The following PCDHGA9 variants were observed in gnomAD, a reference collection of about 807,000 sequenced individuals.
PCDHGA9 encodes protocadherin gamma-A9.
A neutral mutation model predicts 62.5 loss-of-function variants in PCDHGA9; 37 were observed. That is an observed-to-expected ratio of 0.59 (90% confidence interval 0.46 to 0.78). The LOEUF is 0.78. PCDHGA9 is among the 30% of genes least tolerant of loss of function. PCDHGA9 has a pLI of 0.00. For synonymous variants in PCDHGA9, 459 were observed against 484.6 expected (o/e 0.95, Z 0.69); for missense variants, 1,138 against 1,166.2 (o/e 0.98, Z 0.35).
chr5:141,509,765 T>G (rs1312823974), intron 3 of PCDHGA9, among the ~76,000 whole-genome samples: 2 of 152,120 alleles, frequency 1.3e-5, no homozygotes, highest in Non-Finnish European at 1.5e-5. Flanking sequence ...GTCCCTGAGA[T>G]GTCTAGTCCC....
At position 141,493,323 on chromosome 5, in the gene PCDHGA9, C is replaced by T. The variant is rs542332335; in HGVS notation, c.2425-1484C>T. Among the ~76,000 whole-genome samples the T allele has an allele frequency of 6.6e-6, 1 of 152,294 alleles. No homozygotes were observed. The highest frequency in any genetic ancestry group is 6.5e-5 in the Admixed American group (1 of 15,300). On this transcript the variant is annotated intron_variant, in intron 1 of 3. Transcript: ENST00000573521. The surrounding 1 kb of genome is among the most constrained non-coding windows in gnomAD (Gnocchi z 4.3). ...AGAGCAAGTAAGAGAGATTCTAACC[C>T]CTGTCTAACTCCAGAATGTGTGCTT...
chr5:141,429,377 GTT>G (rs566693637), intron 1 of PCDHGA9, among the ~76,000 whole-genome samples: 7 of 149,436 alleles, frequency 4.7e-5, no homozygotes, highest in African/African-American at 1.7e-4. Flanking sequence ...GAGAAAATGT[GTT>G]TTTTTTTTAA....
intron 1 of PCDHGA9, chr5:141,422,139 A>C: frequency 1.9e-6 from 3 of 1,588,154 alleles, no homozygotes; most frequent in Non-Finnish European, 2.6e-6. Context: ...AAGTTCAAGT[A>C]CGGGGGTCTC....
chr5:141,473,848 A>T (rs1281010822), intron 1 of PCDHGA9, among the ~76,000 whole-genome samples: 1 of 152,198 alleles, frequency 6.6e-6, no homozygotes, highest in Non-Finnish European at 1.5e-5. Flanking sequence ...TTTTAGGAAG[A>T]TGAACCTCGC....
intron 2 of PCDHGA9, among the ~76,000 whole-genome samples, chr5:141,496,888 TAA>T (rs35063790): frequency 6.7e-5 from 9 of 134,018 alleles, no homozygotes; most frequent in Non-Finnish European, 4.9e-5. Flanking sequence ...AAGTAACACT[TAA>T]AAAAAAAAAA....
chr5:141,415,754 T>TTTTG, intron 1 of PCDHGA9: 1 of 1,385,736 alleles, frequency 7.2e-7, no homozygotes, highest in Non-Finnish European at 9.3e-7. Flanking sequence ...TTTTTTTTTT[T>TTTTG]TTTTTTTTTT....
At chr5:141,453,865 A>T (rs1048679358) in intron 1 of PCDHGA9, among the ~76,000 whole-genome samples, 2 of 152,234 alleles carry the variant, frequency 1.3e-5, no homozygotes, top group African/African-American at 4.8e-5. Flanking sequence ...AAAATAACAG[A>T]TGAGCAAAAT....
At position 141,489,910 on chromosome 5, in the gene PCDHGA9, G is replaced by T; in HGVS notation, c.2425-4897G>T. ...GGATGGGGGGACCCCAGCCCGCTCA[G>T]GGACCACCCTTATCTCTGTCATCGT... On this transcript the variant is annotated intron_variant, in intron 1 of 3. Transcript: ENST00000573521. This position sits in a 1 kb window ranked among gnomAD's most constrained non-coding sequence, Gnocchi z 4.5. 1 of 1,614,226 alleles carries T rather than the reference G, an allele frequency of 6.2e-7. No homozygotes were observed. The highest frequency in any genetic ancestry group is 8.5e-7 in the Non-Finnish European group (1 of 1,180,030).
chr5:141,455,055 G>T (rs1019622889), intron 1 of PCDHGA9, among the ~76,000 whole-genome samples: 1 of 151,602 alleles, frequency 6.6e-6, no homozygotes, highest in African/African-American at 2.4e-5. Flanking sequence ...CTCGTGATCC[G>T]CCCGCCTCGG....
Position 141,432,390 on chromosome 5 carries a change from G to A in PCDHGA9, c.2424+27014G>A. The A allele has an allele frequency of 6.2e-7, 1 of 1,614,256 alleles. No homozygotes were observed. The highest frequency in any genetic ancestry group is 8.5e-7 in the Non-Finnish European group (1 of 1,180,046). On this transcript the variant is annotated intron_variant, in intron 1 of 3. Transcript: ENST00000573521. This position sits in a 1 kb window ranked among gnomAD's most constrained non-coding sequence, Gnocchi z 6.0. ...GACAACGGGCACCCGCCCCTCAGCA[G>A]CAACGTGTCGTTGAGCCTGTTCGTG... is the stretch of plus-strand genomic sequence containing the variant.
Position 141,485,549 on chromosome 5 carries a change from G to A in PCDHGA9, c.2425-9258G>A. 6.2e-7 allele frequency: 1 copy of A among 1,614,030 alleles called. No homozygotes were observed. The highest frequency in any genetic ancestry group is 1.1e-5 in the South Asian group (1 of 91,068). On this transcript the variant is annotated intron_variant, in intron 1 of 3. Transcript: ENST00000573521. The surrounding 1 kb of genome is among the most constrained non-coding windows in gnomAD (Gnocchi z 5.7). ...CCGAGCAGAGGTAGAGATCGTAGATGTGAATGATCACGCCCCCCGTTTTCC... is the reference window on the plus strand; with the variant it reads ...CCGAGCAGAGGTAGAGATCGTAGATATGAATGATCACGCCCCCCGTTTTCC...
chr5:141,423,749 T>TG, intron 1 of PCDHGA9: 2 of 272,262 alleles, frequency 7.3e-6, no homozygotes, highest in Non-Finnish European at 4.7e-6. Flanking sequence ...TGAAAACTGT[T>TG]TGGGGGGGGG....
intron 3 of PCDHGA9, among the ~76,000 whole-genome samples, chr5:141,510,034 T>A (rs2099879281): frequency 6.6e-6 from 1 of 152,156 alleles, no homozygotes; most frequent in Non-Finnish European, 1.5e-5. Flanking sequence ...TGGGCTGTTA[T>A]GTAGAGGTTA....
intron 1 of PCDHGA9, among the ~76,000 whole-genome samples, chr5:141,474,788 A>G (rs1426105047): frequency 6.6e-6 from 1 of 152,232 alleles, no homozygotes; most frequent in Non-Finnish European, 1.5e-5. Context: ...AACACTTTAC[A>G]TCTAATGGAG....
At chr5:141,470,388 T>C (rs1234907080) in intron 1 of PCDHGA9, among the ~76,000 whole-genome samples, 4 of 152,198 alleles carry the variant, frequency 2.6e-5, no homozygotes, top group African/African-American at 9.6e-5. Flanking sequence ...TACTCGATGA[T>C]ATTTAGGATT....
intron 1 of PCDHGA9, chr5:141,424,104 A>G (rs1049098128): frequency 6.2e-6 from 5 of 812,458 alleles, no homozygotes; most frequent in Non-Finnish European, 6.1e-6. Flanking sequence ...ATTACTGCTA[A>G]TGTTCAAATT....
chr5:141,431,506 G>T lies in PCDHGA9; in HGVS notation c.2424+26130G>T. 1.2e-6 allele frequency: 2 copies of T among 1,613,988 alleles called. No homozygotes were observed. Among genetic ancestry groups the T allele is most frequent in the South Asian group, 2.2e-5 (2 of 91,084 alleles). The stretch of plus-strand genomic sequence containing the variant: ...CGTTTGCTCAGCCCGAGTACCGCGC[G>T]AGCGTTCCGGAGAATCTGGCCTTGG... On this transcript the variant is annotated intron_variant, in intron 1 of 3. Coordinates refer to ENST00000573521, the MANE Select transcript of PCDHGA9 (RefSeq NM_018921.3). This position sits in a 1 kb window ranked among gnomAD's most constrained non-coding sequence, Gnocchi z 4.8.
At chr5:141,414,221 C>A in intron 1 of PCDHGA9, 1 of 1,613,126 alleles carries the variant, frequency 6.2e-7, no homozygotes, top group Non-Finnish European at 8.5e-7. Flanking sequence ...GACAACAGTC[C>A]AGAGCTGACC....
rs1447316737 is a variant in PCDHGA9, at chr5:141,403,589, A to G, written c.637A>G (p.Thr213Ala). 2 of 1,613,812 alleles carry G rather than the reference A, an allele frequency of 1.2e-6. No homozygotes were observed. The highest frequency in any genetic ancestry group is 2.2e-5 in the East Asian group (1 of 44,846). The change falls in exon 1 of 4, where the codon ACG (threonine) becomes GCG (alanine). Residue 213 changes from threonine (T) to alanine (A), a missense_variant. Transcript: ENST00000573521. ...EEATAHHLVLTASDGGEPRRS... is the reference protein window; with the variant it reads ...EEATAHHLVLAASDGGEPRRS... The stretch of plus-strand genomic sequence containing the variant: ...GGCAACTGCCCACCACCTGGTCCTC[A>G]CGGCCTCGGATGGCGGCGAGCCGCG...
Sources: allele counts gnomAD v4.1 joint callset (sites outside exome capture counted in the v4.1 genomes callset), GRCh38; gene constraint gnomAD v4.1.1; non-coding constraint Gnocchi (gnomAD v3.1); transcripts MANE v1.5; gene names NCBI Gene and HGNC (gene_info 2026-07-23, HGNC 2026-07-21).